CAD: variants seen among roughly 807,000 people sequenced by gnomAD.
The protein encoded by CAD is carbamoyl-phosphate synthetase 2, aspartate transcarbamylase, and dihydroorotase, also known as multifunctional protein CAD.
Under a neutral mutation model 237.2 loss-of-function variants are expected in CAD, and 81 were observed. That is an observed-to-expected ratio of 0.34 (90% CI 0.29 to 0.41). The LOEUF (loss-of-function observed/expected upper bound fraction) is 0.41. Among genes scored for constraint, CAD ranks in the 10% least tolerant of loss-of-function variants. The pLI, the probability that CAD is intolerant of heterozygous loss-of-function variation, is 1.00. For missense variants in CAD, 2,181 were observed against 2,951.7 expected (o/e 0.74, Z 6.05); for synonymous variants, 1,196 against 1,162.8 (o/e 1.03, Z -0.58).
Position 27,240,624 on chromosome 2 carries a change from C to A in CAD, c.5593+263C>A. On this transcript the variant is annotated intron_variant, in intron 35 of 43. Transcript: ENST00000264705. This position sits in a 1 kb window ranked among gnomAD's most constrained non-coding sequence, Gnocchi z 4.6. ...CGGGGCAGCAGAGCGTGGGGTAAAT[C>A]CAGGTTGTTGGTTGGTGTGAGTCTG... is the stretch of plus-strand genomic sequence containing the variant. 1.9e-6 allele frequency: 3 copies of A among 1,543,684 alleles called. No individual in the cohort carries two copies. Among genetic ancestry groups the A allele is most frequent in the Non-Finnish European group, 2.6e-6 (3 of 1,143,048 alleles).
chr2:27,218,095 C>T (rs1006217507), intron 2 of CAD, 79 bp downstream of exon 2: 2 of 1,310,412 alleles, frequency 1.5e-6, no homozygotes, highest in African/African-American at 1.5e-5. Context: ...GAGACGTTGA[C>T]ACCCTGCTGG....
At chr2:27,231,133 G>A (rs748556272) in intron 15 of CAD, among the ~76,000 whole-genome samples, 14 of 152,210 alleles carry the variant, frequency 9.2e-5, no homozygotes, top group Non-Finnish European at 1.8e-4. Flanking sequence ...AGCCTCTGGA[G>A]TAGCTGGGGC....
chr2:27,221,218 T>G lies in CAD; in HGVS notation c.223T>G (p.Trp75Gly). The change falls in exon 3 of 44, where the codon TGG (tryptophan) becomes GGG (glycine). Residue 75 changes from tryptophan to glycine, a missense_variant and splice_region_variant. Coordinates refer to ENST00000264705, the MANE Select transcript of CAD (RefSeq NM_004341.5). Reference protein sequence around the residue: ...DEMDEFGLCKWFESSGIHVAA... With the variant: ...DEMDEFGLCKGFESSGIHVAA... ...TCTCACAATCTCTTTCCATCTACAG[T>G]GGTTTGAATCCTCGGGCATCCACGT... is the stretch of plus-strand genomic sequence containing the variant. 6.6e-7 allele frequency: 1 copy of G among 1,526,698 alleles called. No homozygotes were observed. The highest frequency in any genetic ancestry group is 8.8e-7 in the Non-Finnish European group (1 of 1,132,196). 94.6% of individuals were successfully genotyped at this position (1,526,698 alleles called of 1,614,324 possible). A position where few individuals can be genotyped will look rare whatever the true frequency, so the allele number is the denominator to read the frequency against.
chr2:27,240,042 A>T lies in CAD; in HGVS notation c.5497-223A>T. ...GATCATCTGAGGTCAGGAGTTTAAG[A>T]CCAGCCTAGCCAACATGGTGAAACC... On this transcript the variant is annotated intron_variant, in intron 34 of 43. Transcript: ENST00000264705. This position sits in a 1 kb window ranked among gnomAD's most constrained non-coding sequence, Gnocchi z 4.6. 1.7e-6 allele frequency: 1 copy of T among 595,986 alleles called. No homozygotes were observed. The highest frequency in any genetic ancestry group is 2.9e-6 in the Non-Finnish European group (1 of 340,056). The allele number at this position is 595,986 out of a possible 1,614,324, so 36.9% of individuals were successfully genotyped here.
In CAD at chr2:27,239,500, G is replaced by C. The variant is rs776324004; in HGVS notation, c.5394+29G>C. On this transcript the variant is annotated intron_variant, in intron 33 of 43. Coordinates refer to ENST00000264705, the MANE Select transcript of CAD (RefSeq NM_004341.5). This position sits in a 1 kb window ranked among gnomAD's most constrained non-coding sequence, Gnocchi z 4.0. The stretch of plus-strand genomic sequence containing the variant: ...CGCAAGTAGCCCCTGCCTGATCTCA[G>C]TAGTGCCCTCTTCTGCACCACGTTC... 1.2e-5 allele frequency: 20 copies of C among 1,608,428 alleles called. No individual in the cohort carries two copies. Among genetic ancestry groups the C allele is most frequent in the Non-Finnish European group, 1.7e-5 (20 of 1,176,158 alleles).
At chr2:27,220,643 C>T (rs1675112323) in intron 2 of CAD, among the ~76,000 whole-genome samples, 1 of 146,738 alleles carries the variant, frequency 6.8e-6, no homozygotes, top group Admixed American at 6.9e-5. Context: ...TGGATAACAG[C>T]AAGACCCTGT....
Position 27,234,601 on chromosome 2 carries a change from A to G in CAD, c.3702A>G (p.Leu1234=). 1.2e-6 allele frequency: 2 copies of G among 1,614,058 alleles called. No homozygotes were observed. The highest frequency in any genetic ancestry group is 1.7e-6 in the Non-Finnish European group (2 of 1,179,910). The change falls in exon 23 of 44, where the codon CTA becomes CTG. Residue 1234 remains leucine (L), a synonymous_variant. Transcript: ENST00000264705. The part of the protein sequence containing the change: ...PFVSKTLGVD[L]VALATRVIMG... ...TTTCCAAGACACTGGGTGTGGACCT[A>G]GTAGCCTTGGCCACGCGGGTCATCA...
At chr2:27,225,620 T>C in intron 11 of CAD, 85 bp from the exon 12 acceptor site, 6 of 1,072,160 alleles carry the variant, frequency 5.6e-6, no homozygotes, top group Non-Finnish European at 8.4e-6. Context: ...CCATGTTATT[T>C]TCTTTATATC....
chr2:27,236,843 G>A lies in CAD; in HGVS notation c.4396+13G>A. ...GTGCGACTGCCGGGTAAGTCTTTGG[G>A]GAGAACTTGGCTTCTGAACACTGGC... On this transcript the variant is annotated intron_variant, in intron 27 of 43. Coordinates refer to ENST00000264705, the MANE Select transcript of CAD (RefSeq NM_004341.5). This position sits in a 1 kb window ranked among gnomAD's most constrained non-coding sequence, Gnocchi z 4.1. 1 of 1,612,822 alleles carries A rather than the reference G, an allele frequency of 6.2e-7. No homozygotes were observed. The highest frequency in any genetic ancestry group is 8.5e-7 in the Non-Finnish European group (1 of 1,178,878).
rs1676198671 is a variant in CAD at position 27,239,607 on chromosome 2, C to G, written c.5395-90C>G. The stretch of plus-strand genomic sequence containing the variant: ...ACCAGGGGTTGGGGGCACAGCTCCC[C>G]CAAGGTGCTTTTTGTCCTTGCTGAC... On this transcript the variant is annotated intron_variant, in intron 33 of 43. Transcript: ENST00000264705. The surrounding 1 kb of genome is among the most constrained non-coding windows in gnomAD (Gnocchi z 4.0). The G allele has an allele frequency of 6.7e-7, 1 of 1,484,000 alleles. No individual in the cohort carries two copies. Among genetic ancestry groups the G allele is most frequent in the East Asian group, 2.3e-5 (1 of 43,674 alleles). The allele number at this position is 1,484,000 out of a possible 1,614,324, so 91.9% of individuals were successfully genotyped here. A position where few individuals can be genotyped will look rare whatever the true frequency, so the allele number is the denominator to read the frequency against.
chr2:27,228,824 A>T (rs1283072071), intron 15 of CAD, among the ~76,000 whole-genome samples: 1 of 151,596 alleles, frequency 6.6e-6, no homozygotes, highest in East Asian at 1.9e-4. Flanking sequence ...GCCCGTGCTC[A>T]GGTGATCCAC....
chr2:27,222,048 C>A, intron 3 of CAD, 146 bp from the exon 4 acceptor site: 1 of 714,522 alleles, frequency 1.4e-6, no homozygotes, highest in Non-Finnish European at 2.4e-6. Context: ...TGGTAGTATA[C>A]TTCTGTCACA....
chr2:27,229,395 G>T (rs1675611344), intron 15 of CAD, among the ~76,000 whole-genome samples: 1 of 151,964 alleles, frequency 6.6e-6, no homozygotes, highest in African/African-American at 2.4e-5. Context: ...TCCTTCTGAG[G>T]AGTGAGACTA....
intron 42 of CAD, 40 bp from the exon 43 acceptor site, chr2:27,243,158 C>T: frequency 6.3e-7 from 1 of 1,594,548 alleles, no homozygotes; most frequent in African/African-American, 1.3e-5. Context: ...GTAGCCACTC[C>T]TACCCCAAGG....
intron 2 of CAD, 89 bp from the exon 3 acceptor site, chr2:27,221,129 G>C: frequency 8.5e-7 from 1 of 1,179,956 alleles, no homozygotes; most frequent in Non-Finnish European, 1.1e-6. Flanking sequence ...CAATGTGGCT[G>C]AATATAGGGT....
intron 13 of CAD, 58 bp downstream of exon 13, chr2:27,226,377 T>A: frequency 6.3e-7 from 1 of 1,582,650 alleles, no homozygotes; most frequent in Non-Finnish European, 8.7e-7. Flanking sequence ...CTTGTATAAT[T>A]TTTGGCCCTT....
chr2:27,221,703 A>T (rs1039054045), intron 3 of CAD, among the ~76,000 whole-genome samples: 1 of 151,774 alleles, frequency 6.6e-6, no homozygotes, highest in South Asian at 2.1e-4. Context: ...ACACTAAAAA[A>T]ATTAATAATT....
At chr2:27,234,407 C>T in intron 22 of CAD, 111 bp from the exon 23 acceptor site, 1 of 1,222,638 alleles carries the variant, frequency 8.2e-7, no homozygotes, top group Non-Finnish European at 1.2e-6. Flanking sequence ...GACCCTGAAC[C>T]CTGCTCAGTC....
chr2:27,242,161 G>C lies in CAD; in HGVS notation c.6096+38G>C. 1.2e-6 allele frequency: 2 copies of C among 1,604,046 alleles called. No homozygotes were observed. The highest frequency in any genetic ancestry group is 1.7e-6 in the Non-Finnish European group (2 of 1,173,772). On this transcript the variant is annotated intron_variant, in intron 39 of 43. Coordinates refer to ENST00000264705, the MANE Select transcript of CAD (RefSeq NM_004341.5). This position sits in a 1 kb window ranked among gnomAD's most constrained non-coding sequence, Gnocchi z 6.4. ...TGGGTACTGAGATGGGGTTAAGAAG[G>C]CTGGACCCAGGGGCATGAGAACCCT...
Sources: gnomAD v4.1 joint callset for allele counts (sites outside exome capture counted in the v4.1 genomes callset) on GRCh38, gnomAD v4.1.1 for gene constraint, Gnocchi (gnomAD v3.1) non-coding constraint, MANE v1.5 for transcripts, NCBI Gene and HGNC (gene_info 2026-07-23, HGNC 2026-07-21) for gene names.